Variants in RAD54B observed in about 807,000 individuals in gnomAD.
RAD54B encodes the protein RAD54 homolog B.
In RAD54B, 78 loss-of-function variants were observed where a neutral mutation model predicts 95.8. The ratio of observed to expected loss-of-function variants is 0.81; its 90% CI spans 0.68 to 0.98. RAD54B has a LOEUF of 0.98. RAD54B is among the 50% of genes least tolerant of loss of function. RAD54B has a pLI of 0.00. For missense variants in RAD54B, 957 were observed against 1,056.6 expected (o/e 0.91, Z 1.31); for synonymous variants, 328 against 354.9 (o/e 0.92, Z 0.85).
At chr8:94,400,612 T>C in intron 6 of RAD54B, 149 bp from the exon 7 acceptor site, 1 of 621,936 alleles carries the variant, frequency 1.6e-6, no homozygotes, top group Non-Finnish European at 2.7e-6. Context: ...TTTTGCATCT[T>C]TGATAATTAT....
At chr8:94,382,061 C>G (rs1383527548) in intron 11 of RAD54B, among the ~76,000 whole-genome samples, 7 of 150,696 alleles carry the variant, frequency 4.6e-5, no homozygotes, top group Non-Finnish European at 1.0e-4. Flanking sequence ...TTGCAGTGAG[C>G]CGAGATCGCG....
chr8:94,393,966 G>T (rs561053090), intron 8 of RAD54B, 84 bp from the exon 9 acceptor site: 1 of 1,250,860 alleles, frequency 8.0e-7, no homozygotes, highest in Non-Finnish European at 1.1e-6. Context: ...CACAATGGAA[G>T]TTTGGAGAAA....
intron 2 of RAD54B, among the ~76,000 whole-genome samples, chr8:94,461,764 A>G (rs1486359704): frequency 6.6e-6 from 1 of 152,148 alleles, no homozygotes; most frequent in Non-Finnish European, 1.5e-5. Context: ...ACGTGAGAGT[A>G]AACTGCAGAC....
chr8:94,376,706 G>C (rs1466558997), intron 14 of RAD54B, among the ~76,000 whole-genome samples: 1 of 148,112 alleles, frequency 6.8e-6, no homozygotes, highest in Non-Finnish European at 1.5e-5. Flanking sequence ...ATTATATATT[G>C]TGCATGATTA....
At chr8:94,394,335 T>C (rs1811094207) in intron 8 of RAD54B, among the ~76,000 whole-genome samples, 2 of 152,218 alleles carry the variant, frequency 1.3e-5, no homozygotes, top group Non-Finnish European at 2.9e-5. Context: ...AAATGTTCTA[T>C]AACTTTAGTA....
chr8:94,403,804 T>C (rs1351729892), intron 6 of RAD54B, among the ~76,000 whole-genome samples: 1 of 152,164 alleles, frequency 6.6e-6, no homozygotes, highest in Non-Finnish European at 1.5e-5. Context: ...ATTTATCTGT[T>C]TACTCAAATA....
chr8:94,411,707 G>A (rs1431346892), intron 3 of RAD54B, among the ~76,000 whole-genome samples: 2 of 151,884 alleles, frequency 1.3e-5, no homozygotes, highest in African/African-American at 2.4e-5. Context: ...CTGAGGAAAG[G>A]CAAAGATTAC....
At chr8:94,457,852 T>G (rs1812813565) in intron 3 of RAD54B, among the ~76,000 whole-genome samples, 1 of 152,202 alleles carries the variant, frequency 6.6e-6, no homozygotes, top group African/African-American at 2.4e-5. Flanking sequence ...TTCATGCAAG[T>G]ATGTATCATA....
At chr8:94,446,769 A>G (rs1248093885) in intron 3 of RAD54B, among the ~76,000 whole-genome samples, 4 of 152,102 alleles carry the variant, frequency 2.6e-5, no homozygotes, top group African/African-American at 9.7e-5. Flanking sequence ...TGGCAGGAGG[A>G]GCCAGACCCT....
chr8:94,429,553 CTCATA>C (rs1812033482), intron 3 of RAD54B: 1 of 982,850 alleles, frequency 1.0e-6, no homozygotes, highest in Non-Finnish European at 1.2e-6. Flanking sequence ...TGAATTACAT[CTCATA>C]TATGTGCTTT....
intron 2 of RAD54B, among the ~76,000 whole-genome samples, chr8:94,461,886 C>G (rs1812914665): frequency 2.0e-5 from 3 of 152,172 alleles, no homozygotes; most frequent in African/African-American, 7.2e-5. Context: ...ATACCAGTAT[C>G]TAATCCACAG....
intron 2 of RAD54B, among the ~76,000 whole-genome samples, chr8:94,465,356 T>C (rs10098298): frequency 0.033 from 5,036 of 152,224 alleles, 107 homozygotes; most frequent in Non-Finnish European, 0.049. Flanking sequence ...AGACCTTAAA[T>C]AGACATTTTT....
Position 94,457,244 on chromosome 8 carries a change from A to G in RAD54B, c.304+1024T>C, listed in dbSNP as rs546852805. 2.0e-5 allele frequency among the ~76,000 whole-genome samples: 3 copies of G among 152,292 alleles called. No homozygotes were observed. In the East Asian group the frequency reaches 5.8e-4, roughly 29 times the overall value. On this transcript the variant is annotated intron_variant, in intron 3 of 14. Transcript: ENST00000336148. ...GGAAGCAAGGAAGGAGGAAGTGGGG[A>G]AAATAGGGAGGAAAGAAGGGAGAGC...
At chr8:94,467,583 T>C in intron 1 of RAD54B, 28 bp from the exon 2 acceptor site, 1 of 1,573,108 alleles carries the variant, frequency 6.4e-7, no homozygotes, top group East Asian at 2.2e-5. Flanking sequence ...CAGTTAACTA[T>C]CCACGAATCT....
chr8:94,427,357 TA>T (rs1385931957), intron 3 of RAD54B, among the ~76,000 whole-genome samples: 1 of 152,034 alleles, frequency 6.6e-6, no homozygotes, highest in Non-Finnish European at 1.5e-5. Context: ...AAAAGATTTA[TA>T]AAAATATATT....
intron 14 of RAD54B, among the ~76,000 whole-genome samples, chr8:94,377,196 A>G (rs965314767): frequency 5.3e-5 from 8 of 152,196 alleles, no homozygotes; most frequent in African/African-American, 1.9e-4. Flanking sequence ...CAACAGGATT[A>G]TTCTGTCAAC....
At chr8:94,455,556 A>G (rs911734273) in intron 3 of RAD54B, among the ~76,000 whole-genome samples, 2 of 152,200 alleles carry the variant, frequency 1.3e-5, no homozygotes, top group Non-Finnish European at 2.9e-5. Context: ...AAGAAACTAT[A>G]TAGCTCTGAA....
At chr8:94,420,984 C>CAA (rs776651582) in intron 3 of RAD54B, among the ~76,000 whole-genome samples, 288 of 90,448 alleles carry the variant, frequency 3.2e-3, no homozygotes, top group African/African-American at 0.01. Context: ...GACTCAGTCT[C>CAA]AAAAAAAAAA....
intron 3 of RAD54B, among the ~76,000 whole-genome samples, chr8:94,411,972 G>A (rs1811540327): frequency 6.6e-6 from 1 of 151,972 alleles, no homozygotes; most frequent in South Asian, 2.1e-4. Flanking sequence ...TAGATTTCTT[G>A]AACTTATTCC....
Sources: gnomAD v4.1 joint callset for allele counts (sites outside exome capture counted in the v4.1 genomes callset) on GRCh38, gnomAD v4.1.1 for gene constraint, MANE v1.5 for transcripts, NCBI Gene and HGNC (gene_info 2026-07-23, HGNC 2026-07-21) for gene names.